Variants in RTN1 observed in about 807,000 individuals in gnomAD.
RTN1 encodes reticulon-1.
In RTN1, 25 loss-of-function variants were observed where a neutral mutation model predicts 65.5. The observed-to-expected ratio is 0.38, with a 90% confidence interval of 0.28 to 0.53. The LOEUF (loss-of-function observed/expected upper bound fraction) is 0.53, where lower values mean the gene tolerates loss of function less well. RTN1 is among the 20% of genes least tolerant of loss of function. The probability of loss-of-function intolerance (pLI) is 0.79; values close to 1 mark genes in which losing one functional copy is unlikely to be tolerated. For synonymous variants in RTN1, 471 were observed against 447.6 expected (o/e 1.05, Z -0.66); for missense variants, 983 against 1,025.4 (o/e 0.96, Z 0.57).
At chr14:59,860,809 C>T (rs1887695555) in intron 1 of RTN1, among the ~76,000 whole-genome samples, 1 of 152,176 alleles carries the variant, frequency 6.6e-6, no homozygotes, top group Non-Finnish European at 1.5e-5. Flanking sequence ...CATTTTGAAG[C>T]TTTAAGATTT....
intron 3 of RTN1, among the ~76,000 whole-genome samples, chr14:59,715,294 T>C (rs899675897): frequency 2.0e-5 from 3 of 152,328 alleles, no homozygotes; most frequent in South Asian, 2.1e-4. Flanking sequence ...CCTCAGGCTC[T>C]AGGTTTGGCT....
chr14:59,813,525 G>T (rs1886766776), intron 1 of RTN1, among the ~76,000 whole-genome samples: 2 of 152,232 alleles, frequency 1.3e-5, no homozygotes, highest in African/African-American at 4.8e-5. Flanking sequence ...GTGTATCTTT[G>T]TAAGACCGCT....
intron 3 of RTN1, among the ~76,000 whole-genome samples, chr14:59,621,885 C>T (rs1950782): frequency 0.96 from 146,868 of 152,332 alleles, 71,018 homozygotes; most frequent in East Asian, 1. Context: ...TAAAATGTGA[C>T]ATAAGCGGAT....
At chr14:59,633,034 T>C (rs1882588884) in intron 3 of RTN1, among the ~76,000 whole-genome samples, 1 of 152,112 alleles carries the variant, frequency 6.6e-6, no homozygotes, top group African/African-American at 2.4e-5. Flanking sequence ...CCCAGGGAGA[T>C]CGAGGCTGCA....
intron 3 of RTN1, among the ~76,000 whole-genome samples, chr14:59,691,709 A>C (rs1399576592): frequency 6.6e-6 from 1 of 152,202 alleles, no homozygotes; most frequent in Non-Finnish European, 1.5e-5. Flanking sequence ...AATCAAACCC[A>C]GCAGGTCATC....
At chr14:59,654,166 C>T (rs1033930958) in intron 3 of RTN1, among the ~76,000 whole-genome samples, 5 of 152,140 alleles carry the variant, frequency 3.3e-5, no homozygotes, top group Non-Finnish European at 7.4e-5. Context: ...TGGCTCATGC[C>T]TGTAATCCTA....
intron 1 of RTN1, among the ~76,000 whole-genome samples, chr14:59,797,953 A>AT (rs1198871741): frequency 6.6e-6 from 1 of 152,196 alleles, no homozygotes; most frequent in African/African-American, 2.4e-5. Context: ...GGTCCTTTAT[A>AT]ATATCACTTG....
intron 3 of RTN1, among the ~76,000 whole-genome samples, chr14:59,665,315 C>A (rs898165633): frequency 6.6e-5 from 10 of 152,090 alleles, no homozygotes; most frequent in Non-Finnish European, 1.0e-4. Flanking sequence ...GAATTTTCAA[C>A]CCAGAATTTC....
intron 3 of RTN1, among the ~76,000 whole-genome samples, chr14:59,723,480 G>A (rs959303583): frequency 1.3e-5 from 2 of 152,042 alleles, no homozygotes; most frequent in South Asian, 4.2e-4. Flanking sequence ...CGGGCGTGGT[G>A]GTGGTGGGCG....
chr14:59,683,004 C>A (rs1883775586), intron 3 of RTN1, among the ~76,000 whole-genome samples: 2 of 152,048 alleles, frequency 1.3e-5, no homozygotes, highest in South Asian at 4.2e-4. Context: ...ATTTAAAAGT[C>A]AACTGACACA....
Position 59,870,419 on chromosome 14 carries a change from G to T in RTN1, c.212C>A (p.Ser71Ter). The T allele has an allele frequency of 6.6e-7, 1 of 1,524,396 alleles. No individual in the cohort carries two copies. The highest frequency in any genetic ancestry group is 2.7e-5 in the East Asian group (1 of 37,008). 94.4% of individuals were successfully genotyped at this position (1,524,396 alleles called of 1,614,324 possible). Residue 71 changes from serine to a stop codon, truncating the protein, a stop_gained, in exon 1 of 9, where the codon TCG becomes TAG. Transcript: ENST00000267484. LOFTEE classifies it high-confidence loss of function. This position sits in a 1 kb window ranked among gnomAD's most constrained non-coding sequence, Gnocchi z 5.1. ...REAGSGPARQ[S>*]PVAMETASTG... ...GGATGCAGTTTCCATGGCAACGGGC[G>T]ACTGCCGGGCGGGGCCCGAGCCGGC...
intron 1 of RTN1, among the ~76,000 whole-genome samples, chr14:59,751,740 G>A (rs1387693445): frequency 6.6e-6 from 1 of 152,098 alleles, no homozygotes; most frequent in Non-Finnish European, 1.5e-5. Context: ...CCTATACTTG[G>A]CAAGTTGCAT....
chr14:59,648,057 A>G (rs957534593), intron 3 of RTN1, among the ~76,000 whole-genome samples: 1 of 152,186 alleles, frequency 6.6e-6, no homozygotes, highest in Non-Finnish European at 1.5e-5. Flanking sequence ...AATAAAGAAG[A>G]AAAGACAGAT....
intron 1 of RTN1, among the ~76,000 whole-genome samples, chr14:59,805,156 C>T (rs948627974): frequency 5.3e-5 from 8 of 152,154 alleles, no homozygotes; most frequent in Non-Finnish European, 1.2e-4. Context: ...TTCAAAAGCT[C>T]CTTCCACAAG....
At chr14:59,715,474 A>G (rs1566695728) in intron 3 of RTN1, among the ~76,000 whole-genome samples, 1 of 152,206 alleles carries the variant, frequency 6.6e-6, no homozygotes, top group Non-Finnish European at 1.5e-5. Context: ...TGAAATATAT[A>G]AAAACTTCTC....
intron 3 of RTN1, among the ~76,000 whole-genome samples, chr14:59,618,732 A>C (rs2140174560): frequency 6.6e-6 from 1 of 152,370 alleles, no homozygotes; most frequent in East Asian, 1.9e-4. Context: ...TTACATGTTA[A>C]GTGTCCCCAA....
At chr14:59,858,209 G>A (rs763820761) in intron 1 of RTN1, among the ~76,000 whole-genome samples, 6 of 152,144 alleles carry the variant, frequency 3.9e-5, no homozygotes, top group Non-Finnish European at 7.3e-5. Flanking sequence ...TGCCAAGCAT[G>A]AGCAGGAAAG....
chr14:59,784,664 T>G (rs775763105), intron 1 of RTN1, among the ~76,000 whole-genome samples: 5 of 152,234 alleles, frequency 3.3e-5, no homozygotes, highest in Admixed American at 6.5e-5. Flanking sequence ...GCAGTATTTC[T>G]TTTTCAGACT....
intron 3 of RTN1, among the ~76,000 whole-genome samples, chr14:59,721,830 C>T (rs1884653884): frequency 6.6e-6 from 1 of 152,194 alleles, no homozygotes; most frequent in African/African-American, 2.4e-5. Context: ...CAGGTCGGCA[C>T]CGAGTACCTT....
Sources: gnomAD v4.1 joint callset for allele counts (sites outside exome capture counted in the v4.1 genomes callset) on GRCh38, gnomAD v4.1.1 for gene constraint, Gnocchi (gnomAD v3.1) non-coding constraint, MANE v1.5 for transcripts, NCBI Gene and HGNC (gene_info 2026-07-23, HGNC 2026-07-21) for gene names.